The following PTPN14 variants were observed in gnomAD, a reference collection of about 807,000 sequenced individuals.
PTPN14 encodes protein tyrosine phosphatase non-receptor type 14.
PTPN14 carries 53 observed loss-of-function variants against 126.8 expected under a neutral mutation model. That is an observed-to-expected ratio of 0.42 (90% CI 0.34 to 0.53). PTPN14 has a LOEUF of 0.53. PTPN14 is among the 20% of genes least tolerant of loss of function. The probability of loss-of-function intolerance (pLI) is 0.08; values close to 1 mark genes in which losing one functional copy is unlikely to be tolerated. For synonymous variants in PTPN14, 630 were observed against 599.3 expected (o/e 1.05, Z -0.75); for missense variants, 1,257 against 1,552.9 (o/e 0.81, Z 3.20).
chr1:214,418,796 A>G (rs61819566), intron 3 of PTPN14, among the ~76,000 whole-genome samples: 4,924 of 152,334 alleles, frequency 0.032, 105 homozygotes, highest in Non-Finnish European at 0.047. Context: ...TTCTCCTGGC[A>G]GCAGCCTCTG....
chr1:214,475,057 T>C (rs1377228365), intron 1 of PTPN14, among the ~76,000 whole-genome samples: 2 of 152,118 alleles, frequency 1.3e-5, no homozygotes, highest in Non-Finnish European at 1.5e-5. Flanking sequence ...CCACTATGAG[T>C]TGACAGTTCT....
intron 3 of PTPN14, among the ~76,000 whole-genome samples, chr1:214,438,293 G>A (rs762209382): frequency 1.3e-5 from 2 of 152,200 alleles, no homozygotes; most frequent in Admixed American, 6.5e-5. Context: ...CTCCTTGCTC[G>A]GGCCTGATAA....
chr1:214,493,427 T>C (rs1238999537), intron 1 of PTPN14, among the ~76,000 whole-genome samples: 1 of 152,190 alleles, frequency 6.6e-6, no homozygotes, highest in Non-Finnish European at 1.5e-5. Flanking sequence ...CTTGAGGGGA[T>C]GGGTACCCCA....
At chr1:214,435,226 C>T (rs895674781) in intron 3 of PTPN14, among the ~76,000 whole-genome samples, 1 of 151,634 alleles carries the variant, frequency 6.6e-6, no homozygotes, top group East Asian at 1.9e-4. Flanking sequence ...TGGTTCAGTC[C>T]GGTAGTGTGT....
At chr1:214,387,466 G>A (rs1037221406) in intron 11 of PTPN14, among the ~76,000 whole-genome samples, 5 of 152,036 alleles carry the variant, frequency 3.3e-5, no homozygotes, top group East Asian at 1.9e-4. Flanking sequence ...AGCCATGATC[G>A]TGCCACTGCA....
chr1:214,373,892 G>A (rs2102524186), intron 15 of PTPN14, among the ~76,000 whole-genome samples: 1 of 152,282 alleles, frequency 6.6e-6, no homozygotes, highest in South Asian at 2.1e-4. Flanking sequence ...TAGTACCACA[G>A]CATCCAACTG....
chr1:214,365,713 A>G (rs573816080), intron 17 of PTPN14, among the ~76,000 whole-genome samples: 1 of 152,184 alleles, frequency 6.6e-6, no homozygotes, highest in African/African-American at 2.4e-5. Flanking sequence ...TTATAAACTT[A>G]TCTAATTACA....
chr1:214,409,588 G>A (rs1410911702), intron 5 of PTPN14, among the ~76,000 whole-genome samples: 1 of 152,122 alleles, frequency 6.6e-6, no homozygotes, highest in African/African-American at 2.4e-5. Context: ...ACCCAGAAGT[G>A]AGACTGCTGG....
intron 2 of PTPN14, among the ~76,000 whole-genome samples, chr1:214,461,387 C>G (rs1235706081): frequency 6.6e-6 from 1 of 152,158 alleles, no homozygotes; most frequent in Non-Finnish European, 1.5e-5. Flanking sequence ...AATCCCAGCA[C>G]TTTGGGAGGC....
At chr1:214,482,023 G>GCTATTAC (rs1259408548) in intron 1 of PTPN14, among the ~76,000 whole-genome samples, 1 of 150,160 alleles carries the variant, frequency 6.7e-6, no homozygotes, top group African/African-American at 2.4e-5. Context: ...AAGACTTCTT[G>GCTATTAC]CTATTACCTG....
intron 1 of PTPN14, among the ~76,000 whole-genome samples, chr1:214,488,548 T>C (rs1661166328): frequency 2.0e-5 from 3 of 152,192 alleles, no homozygotes; most frequent in Non-Finnish European, 4.4e-5. Context: ...AAGTCTTATC[T>C]TTTTCTTAAC....
chr1:214,504,484 G>T (rs72759615), intron 1 of PTPN14, among the ~76,000 whole-genome samples: 1 of 151,966 alleles, frequency 6.6e-6, no homozygotes, highest in Non-Finnish European at 1.5e-5. Context: ...TCATTTTCCC[G>T]TAGCTGTCAT....
intron 15 of PTPN14, among the ~76,000 whole-genome samples, chr1:214,374,836 G>T (rs936941922): frequency 1.3e-5 from 2 of 152,192 alleles, no homozygotes; most frequent in African/African-American, 2.4e-5. Context: ...AGAGCAGATG[G>T]AAAATAGTGG....
chr1:214,543,616 T>C (rs1346170263), intron 1 of PTPN14, among the ~76,000 whole-genome samples: 2 of 152,088 alleles, frequency 1.3e-5, no homozygotes, highest in Admixed American at 6.6e-5. Context: ...AGAAATGCAT[T>C]CATTCACTGA....
intron 1 of PTPN14, among the ~76,000 whole-genome samples, chr1:214,474,337 G>A (rs1052448032): frequency 6.6e-6 from 1 of 152,080 alleles, no homozygotes; most frequent in Non-Finnish European, 1.5e-5. Flanking sequence ...GGAAACAAAA[G>A]AACACCCTCA....
At chr1:214,371,526 C>T (rs1658218317) in intron 16 of PTPN14, among the ~76,000 whole-genome samples, 2 of 152,204 alleles carry the variant, frequency 1.3e-5, no homozygotes, top group South Asian at 4.1e-4. Flanking sequence ...TTACTGCTAT[C>T]TGCACTGATT....
chr1:214,429,374 T>C (rs1391722054), intron 3 of PTPN14, among the ~76,000 whole-genome samples: 2 of 152,222 alleles, frequency 1.3e-5, no homozygotes, highest in Admixed American at 6.5e-5. Flanking sequence ...TTAAAATGCA[T>C]TGTTTCACAA....
chr1:214,485,730 C>CT lies in PTPN14; in HGVS notation c.-154-20774dup, dbSNP rs572888987. 2.0e-3 allele frequency among the ~76,000 whole-genome samples: 295 copies of CT among 145,780 alleles called. 3 individuals carry two copies. The South Asian group carries it at 0.021, about 10-fold the overall frequency. ...TGAAGACATCTAGTCTTTTATATTT[C>CT]TTTTTTTTTTTTTGAGACGGAGTCT... is the stretch of plus-strand genomic sequence containing the variant. On this transcript the variant is annotated intron_variant, in intron 1 of 18. Transcript: ENST00000366956.
intron 1 of PTPN14, among the ~76,000 whole-genome samples, chr1:214,497,839 A>G (rs535885841): frequency 5.9e-5 from 9 of 152,250 alleles, no homozygotes; most frequent in Admixed American, 5.2e-4. Flanking sequence ...GCCATCAGCT[A>G]TTCTTAGGGG....
Sources: allele counts gnomAD v4.1 joint callset (sites outside exome capture counted in the v4.1 genomes callset), GRCh38; gene constraint gnomAD v4.1.1; transcripts MANE v1.5; gene names NCBI Gene and HGNC (gene_info 2026-07-23, HGNC 2026-07-21).